Variants in PCDH15 observed in about 807,000 individuals in gnomAD.
PCDH15 encodes the protein protocadherin-15.
In PCDH15, 129 loss-of-function variants were observed where a neutral mutation model predicts 178.5. The ratio of observed to expected loss-of-function variants is 0.72; its 90% confidence interval spans 0.63 to 0.84. The LOEUF (loss-of-function observed/expected upper bound fraction) is 0.84, where lower values mean the gene tolerates loss of function less well. Among genes scored for constraint, PCDH15 ranks in the 40% least tolerant of loss-of-function variants. The pLI, the probability that PCDH15 is intolerant of heterozygous loss-of-function variation, is 0.00. For missense variants in PCDH15, 2,230 were observed against 2,099.9 expected (o/e 1.06, Z -1.21); for synonymous variants, 800 against 732.0 (o/e 1.09, Z -1.50).
chr10:54,403,509 A>T (rs750884929), intron 3 of PCDH15, among the ~76,000 whole-genome samples: 9 of 152,034 alleles, frequency 5.9e-5, no homozygotes, highest in Non-Finnish European at 1.3e-4. Flanking sequence ...CAAAAGCTGG[A>T]GTATTTCCCT....
At chr10:55,505,451 G>C (rs1840740861) in intron 2 of PCDH15, among the ~76,000 whole-genome samples, 1 of 151,234 alleles carries the variant, frequency 6.6e-6, no homozygotes, top group Non-Finnish European at 1.5e-5. Flanking sequence ...AAGGGAATTA[G>C]TAGACAAGGA....
intron 3 of PCDH15, among the ~76,000 whole-genome samples, chr10:54,502,877 T>A (rs2080826431): frequency 6.6e-6 from 1 of 152,082 alleles, no homozygotes; most frequent in Non-Finnish European, 1.5e-5. Context: ...TGTAAATCTC[T>A]TCGAATCATG....
At chr10:55,403,543 T>C (rs1838125309) in intron 2 of PCDH15, among the ~76,000 whole-genome samples, 1 of 151,970 alleles carries the variant, frequency 6.6e-6, no homozygotes, top group Non-Finnish European at 1.5e-5. Flanking sequence ...TGATTTTTTA[T>C]ATGGTGAGAG....
chr10:53,977,750 CA>C (rs1332990970), intron 21 of PCDH15, among the ~76,000 whole-genome samples: 5 of 152,146 alleles, frequency 3.3e-5, no homozygotes, highest in Non-Finnish European at 7.4e-5. Flanking sequence ...CCTGTGAAAT[CA>C]AAAGCATTGT....
At chr10:54,161,362 C>A (rs2045693468) in intron 13 of PCDH15, among the ~76,000 whole-genome samples, 1 of 152,036 alleles carries the variant, frequency 6.6e-6, no homozygotes, top group South Asian at 2.1e-4. Context: ...CTTTTAGAGG[C>A]AGAAACCAAA....
intron 29 of PCDH15, among the ~76,000 whole-genome samples, chr10:53,832,723 A>G (rs1168065942): frequency 6.6e-6 from 1 of 152,054 alleles, no homozygotes; most frequent in Non-Finnish European, 1.5e-5. Flanking sequence ...AAATATAATC[A>G]ATGCCATGCT....
At chr10:55,329,083 T>G in intron 2 of PCDH15, among the ~76,000 whole-genome samples, 1 of 150,042 alleles carries the variant, frequency 6.7e-6, no homozygotes, top group Admixed American at 6.7e-5. Flanking sequence ...TAAAGTTAAA[T>G]AAGACATGCT....
intron 21 of PCDH15, among the ~76,000 whole-genome samples, chr10:53,980,399 G>T (rs185545963): frequency 2.2e-4 from 34 of 151,926 alleles, no homozygotes; most frequent in Non-Finnish European, 2.4e-4. Context: ...GATTCTAAAG[G>T]CCCTGTCAGC....
intron 26 of PCDH15, among the ~76,000 whole-genome samples, chr10:53,868,608 G>C (rs2079615358): frequency 6.6e-6 from 1 of 152,060 alleles, no homozygotes; most frequent in South Asian, 2.1e-4. Context: ...TACATAATAA[G>C]TAGTAAAGTT....
chr10:54,885,792 T>C (rs1324454488), intron 3 of PCDH15, among the ~76,000 whole-genome samples: 2 of 151,960 alleles, frequency 1.3e-5, no homozygotes, highest in African/African-American at 4.8e-5. Context: ...GAGAACACAA[T>C]AAAGGCCAAG....
intron 15 of PCDH15, among the ~76,000 whole-genome samples, chr10:54,094,000 A>G (rs1258811190): frequency 1.3e-5 from 2 of 152,180 alleles, no homozygotes; most frequent in Admixed American, 1.3e-4. Flanking sequence ...AGCCTGAGAA[A>G]AGTATGACAG....
intron 3 of PCDH15, among the ~76,000 whole-genome samples, chr10:54,444,338 C>A (rs780982888): frequency 1.3e-5 from 2 of 151,722 alleles, no homozygotes; most frequent in Non-Finnish European, 3.0e-5. Context: ...GTGCATGGCA[C>A]ATGCAAGAGA....
chr10:54,120,033 C>T lies in PCDH15; in HGVS notation c.1917+12842G>A, dbSNP rs1017298222. 1.2e-4 allele frequency among the ~76,000 whole-genome samples: 19 copies of T among 152,212 alleles called. No homozygotes were observed. The East Asian group carries it at 3.5e-3, about 28-fold the overall frequency. The stretch of plus-strand genomic sequence containing the variant: ...CAGATAGAGAAAAAGGAAAGATCAC[C>T]TACAAAGGTAACCCCATCAGGCTGA... On this transcript the variant is annotated intron_variant, in intron 15 of 37. Coordinates refer to ENST00000644397, the MANE Select transcript of PCDH15 (RefSeq NM_001384140.1).
chr10:55,319,999 C>T (rs1366909964), upstream of PCDH15, among the ~76,000 whole-genome samples: 1 of 152,098 alleles, frequency 6.6e-6, no homozygotes, highest in Non-Finnish European at 1.5e-5. Flanking sequence ...GTCTGCTGGC[C>T]TCTCCCAGGG....
chr10:53,938,897 A>G lies in PCDH15; in HGVS notation c.3291T>C (p.Tyr1097=). 2 of 1,613,456 alleles carry G rather than the reference A, an allele frequency of 1.2e-6. No homozygotes were observed. Among genetic ancestry groups the G allele is most frequent in the South Asian group, 1.1e-5 (1 of 91,072 alleles). The change falls in exon 25 of 38, where the codon TAT becomes TAC. Residue 1097 remains tyrosine (Y), a synonymous_variant. Transcript: ENST00000644397. Reference sequence around the variant, plus strand: ...GAAGTACATAGCTTGTCCTGGTCTCATAATCCAGAGGTCCATTCACATAGA... The same window carrying G: ...GAAGTACATAGCTTGTCCTGGTCTCGTAATCCAGAGGTCCATTCACATAGA... ...GVIYVNGPLD[Y]ETRTSYVLRV... is the part of the protein sequence containing the mutation.
At chr10:53,926,286 A>G (rs2084545657) in intron 25 of PCDH15, among the ~76,000 whole-genome samples, 1 of 152,218 alleles carries the variant, frequency 6.6e-6, no homozygotes. Flanking sequence ...ACAAAACAAA[A>G]CAAAAAACTG....
intron 1 of PCDH15, among the ~76,000 whole-genome samples, chr10:55,226,894 GA>G (rs1403465099): frequency 2.6e-5 from 4 of 151,990 alleles, no homozygotes; most frequent in Admixed American, 2.6e-4. Flanking sequence ...TGGAGGATTA[GA>G]TCAAGAGATT....
intron 13 of PCDH15, among the ~76,000 whole-genome samples, chr10:54,176,004 G>T (rs995654193): frequency 2.0e-5 from 3 of 152,076 alleles, no homozygotes; most frequent in African/African-American, 7.2e-5. Flanking sequence ...GAGCAGGAAG[G>T]GGTAGCTTGG....
intron 2 of PCDH15, among the ~76,000 whole-genome samples, chr10:55,474,822 A>T (rs1840032038): frequency 6.6e-6 from 1 of 152,090 alleles, no homozygotes; most frequent in African/African-American, 2.4e-5. Context: ...TAATAATCAC[A>T]TATGTTAGTA....
Sources: allele counts gnomAD v4.1 joint callset (sites outside exome capture counted in the v4.1 genomes callset), GRCh38; gene constraint gnomAD v4.1.1; transcripts MANE v1.5; gene names NCBI Gene and HGNC (gene_info 2026-07-23, HGNC 2026-07-21).